The following SEZ6L2 variants were observed in gnomAD, a reference collection of about 807,000 sequenced individuals.
The protein encoded by SEZ6L2 is seizure 6-like protein 2.
In SEZ6L2, 44 loss-of-function variants were observed where a neutral mutation model predicts 97.0. The observed-to-expected ratio is 0.45, with a 90% CI of 0.36 to 0.58. The LOEUF (loss-of-function observed/expected upper bound fraction) is 0.58, where lower values mean the gene tolerates loss of function less well. Ranked by LOEUF, SEZ6L2 falls within the 20% of genes least tolerant of loss-of-function variation. The pLI is 0.00. For missense variants in SEZ6L2, 1,086 were observed against 1,233.3 expected (o/e 0.88, Z 1.79); for synonymous variants, 543 against 546.1 (o/e 0.99, Z 0.08).
At position 29,876,816 on chromosome 16, in the gene SEZ6L2, C is replaced by T. The variant is rs1164257897; in HGVS notation, c.2044G>A (p.Asp682Asn). 6.2e-7 allele frequency: 1 copy of T among 1,603,620 alleles called. No homozygotes were observed. The highest frequency in any genetic ancestry group is 8.5e-7 in the Non-Finnish European group (1 of 1,175,322). Residue 682 changes from aspartate to asparagine, a missense_variant, in exon 12 of 18, where the codon GAC becomes AAC. By Grantham distance (23) the Asp-to-Asn change is conservative. This residue lies in a region of SEZ6L2 where 310 missense variants were observed against 438.6 expected (regional missense o/e 0.71). Transcript: ENST00000617533. The surrounding 1 kb of genome is among the most constrained non-coding windows in gnomAD (Gnocchi z 6.5). ...CEPGYELLGSDILTCQWDLSW... is the reference protein window; with the variant it reads ...CEPGYELLGSNILTCQWDLSW... Reference sequence around the variant, plus strand: ...AGGTCCCACTGGCAAGTGAGAATGTCGGAGCCTAGCAGCTCGTAGCCAGGC... The same window carrying T: ...AGGTCCCACTGGCAAGTGAGAATGTTGGAGCCTAGCAGCTCGTAGCCAGGC...
chr16:29,878,163 C>T, intron 10 of SEZ6L2, 124 bp downstream of exon 10: 1 of 1,225,382 alleles, frequency 8.2e-7, no homozygotes, highest in South Asian at 1.8e-5. Flanking sequence ...GTGCACCAGC[C>T]TATCCACCGA....
intron 12 of SEZ6L2, among the ~76,000 whole-genome samples, chr16:29,874,547 CTT>C (rs1229722584): frequency 4.1e-5 from 1 of 24,540 alleles, no homozygotes; most frequent in East Asian, 9.2e-4. Context: ...TGTGTGTGTG[CTT>C]GTTTTTTTTT....
At chr16:29,879,610 C>G (rs1057393927) in intron 9 of SEZ6L2, among the ~76,000 whole-genome samples, 14 of 152,324 alleles carry the variant, frequency 9.2e-5, no homozygotes, top group African/African-American at 3.4e-4. Flanking sequence ...CACTCTCCAG[C>G]CTGCCCAATC....
chr16:29,895,811 T>G lies in SEZ6L2; in HGVS notation c.561A>C (p.Pro187=), dbSNP rs756800647. 6 of 1,614,108 alleles carry G rather than the reference T, an allele frequency of 3.7e-6. No homozygotes were observed. The highest frequency in any genetic ancestry group is 1.7e-5 in the Admixed American group (1 of 60,010). Residue 187 remains proline (P), a synonymous_variant, in exon 4 of 18, where the codon CCA becomes CCC. Coordinates refer to ENST00000617533, the MANE Select transcript of SEZ6L2 (RefSeq NM_001243332.2). ...TGCGGCTGACGGGGCTCCCCAGATC[T>G]GGAGACTCCACATACCCTTCGCCCT... ...ISEGEGYVES[P]DLGSPVSRTL... is the part of the protein sequence containing the mutation.
At chr16:29,895,498 G>T (rs765511974) in intron 4 of SEZ6L2, 38 bp from the exon 5 acceptor site, 1 of 1,603,534 alleles carries the variant, frequency 6.2e-7, no homozygotes, top group Non-Finnish European at 8.5e-7. Flanking sequence ...GGGCAAGTCA[G>T]CCAGGTGTTT....
intron 5 of SEZ6L2, 44 bp downstream of exon 5, chr16:29,895,215 C>T (rs758690780): frequency 2.4e-6 from 3 of 1,254,166 alleles, no homozygotes; most frequent in South Asian, 2.4e-5. Flanking sequence ...CCAGTGTATG[C>T]AGTATGGCCC....
intron 4 of SEZ6L2, 120 bp from the exon 5 acceptor site, chr16:29,895,580 A>G: frequency 7.1e-7 from 1 of 1,413,438 alleles, no homozygotes; most frequent in Non-Finnish European, 9.6e-7. Flanking sequence ...CTGCTGCCCA[A>G]GTTGTAGAAA....
At chr16:29,872,049 G>A in intron 17 of SEZ6L2, 138 bp downstream of exon 17, 1 of 699,766 alleles carries the variant, frequency 1.4e-6, no homozygotes, top group South Asian at 1.9e-5. Flanking sequence ...CACATGGCTT[G>A]CTATGCTCAT....
rs1800409635 is a variant in SEZ6L2, at chr16:29,876,679, G to T, written c.2104+77C>A. On this transcript the variant is annotated intron_variant, in intron 12 of 17. Transcript: ENST00000617533. The surrounding 1 kb of genome is among the most constrained non-coding windows in gnomAD (Gnocchi z 6.5). ...GGGATGGAACCCAGAAAGCACGGGG[G>T]TCGGGACAGGACAGGCCGACGACGG... 2.2e-6 allele frequency: 3 copies of T among 1,341,112 alleles called. No homozygotes were observed. The highest frequency in any genetic ancestry group is 1.0e-6 in the Non-Finnish European group (1 of 1,001,680). 83.1% of individuals were successfully genotyped at this position (1,341,112 alleles called of 1,614,324 possible).
intron 8 of SEZ6L2, 135 bp from the exon 9 acceptor site, chr16:29,880,199 G>A (rs1377666206): frequency 5.1e-6 from 4 of 786,784 alleles, no homozygotes; most frequent in Non-Finnish European, 7.8e-6. Context: ...GTCTTGTGCT[G>A]TCGCCCAGGC....
chr16:29,881,677 G>C (rs2068033738), intron 8 of SEZ6L2, among the ~76,000 whole-genome samples: 1 of 139,306 alleles, frequency 7.2e-6, no homozygotes, highest in Admixed American at 7.6e-5. Flanking sequence ...GCCCAGGCTG[G>C]AGTGCAATGG....
rs560352112 is a variant in SEZ6L2, at chr16:29,879,736, G to A, written c.1573+128C>T. The A allele has an allele frequency of 1.0e-4, 83 of 833,730 alleles. 1 individual carries two copies. The African/African-American group carries it at 1.2e-3, about 12-fold the overall frequency. The allele number at this position is 833,730 out of a possible 1,614,324, so 51.6% of individuals were successfully genotyped here. ...AAGAAAACAGCCTCTGAAGGGACAGGGATTTACCCAAGGCTTGGGTGGATG... is the reference window on the plus strand; with the variant it reads ...AAGAAAACAGCCTCTGAAGGGACAGAGATTTACCCAAGGCTTGGGTGGATG... On this transcript the variant is annotated intron_variant, in intron 9 of 17. Coordinates refer to ENST00000617533, the MANE Select transcript of SEZ6L2 (RefSeq NM_001243332.2).
chr16:29,895,965 TC>T, intron 3 of SEZ6L2, 105 bp from the exon 4 acceptor site: 1 of 1,251,104 alleles, frequency 8.0e-7, no homozygotes, highest in Non-Finnish European at 1.1e-6. Flanking sequence ...CTTCTCATCA[TC>T]TTTTTGTTTT....
chr16:29,872,085 G>T, intron 17 of SEZ6L2, 102 bp downstream of exon 17: 2 of 990,068 alleles, frequency 2.0e-6, no homozygotes, highest in Non-Finnish European at 3.0e-6. Context: ...GGGCAGCTGA[G>T]TTTGAAATTC....
chr16:29,898,325 C>G (rs924208463), intron 1 of SEZ6L2, among the ~76,000 whole-genome samples: 3 of 152,198 alleles, frequency 2.0e-5, no homozygotes, highest in Admixed American at 6.5e-5. Context: ...CCCCCCAACC[C>G]TGGGGCTCTG....
chr16:29,883,309 C>A (rs775317734), intron 8 of SEZ6L2, among the ~76,000 whole-genome samples: 9 of 151,610 alleles, frequency 5.9e-5, no homozygotes, highest in Non-Finnish European at 1.3e-4. Context: ...CTTTTCTTTT[C>A]TTTTCTTCTT....
In SEZ6L2 at chr16:29,877,838, C is replaced by T. The variant is rs554983546; in HGVS notation, c.1713-371G>A. Among the ~76,000 whole-genome samples, 32 of 152,358 alleles carry T rather than the reference C, an allele frequency of 2.1e-4. No individual in the cohort carries two copies. The South Asian group carries it at 6.6e-3, about 32-fold the overall frequency. On this transcript the variant is annotated intron_variant, in intron 10 of 17. Coordinates refer to ENST00000617533, the MANE Select transcript of SEZ6L2 (RefSeq NM_001243332.2). ...CGCCCTACACAACTCTAGGCCCCGC[C>T]TGAGTACCTGCTTTGAAGCCACGCC...
Position 29,873,309 on chromosome 16 carries a change from C to T in SEZ6L2, c.2419G>A (p.Gly807Ser), listed in dbSNP as rs147726524. Residue 807 changes from glycine (G) to serine (S), a missense_variant, in exon 14 of 18, where the codon GGC becomes AGC. By Grantham distance (56) the Gly-to-Ser change is moderately conservative. Coordinates refer to ENST00000617533, the MANE Select transcript of SEZ6L2 (RefSeq NM_001243332.2). This position sits in a 1 kb window ranked among gnomAD's most constrained non-coding sequence, Gnocchi z 4.3. The part of the protein sequence containing the change: ...FFCYEGFELI[G>S]EVTITCVPGH... ...GGCACACAGGTGATGGTGACCTCGCCGATAAGCTCAAAGCCCTCATAGCAG... is the reference window on the plus strand; with the variant it reads ...GGCACACAGGTGATGGTGACCTCGCTGATAAGCTCAAAGCCCTCATAGCAG... 12 of 1,614,078 alleles carry T rather than the reference C, an allele frequency of 7.4e-6. No individual in the cohort carries two copies. The African/African-American group carries it at 1.2e-4, about 16-fold the overall frequency.
At chr16:29,884,992 G>A (rs1249226046) in intron 8 of SEZ6L2, among the ~76,000 whole-genome samples, 1 of 152,006 alleles carries the variant, frequency 6.6e-6, no homozygotes, top group Admixed American at 6.6e-5. Context: ...CGGATCACAA[G>A]GTCAGGAGAT....
Sources: gnomAD v4.1 joint callset for allele counts (sites outside exome capture counted in the v4.1 genomes callset) on GRCh38, gnomAD v4.1.1 for gene constraint, gnomAD v4.1.1 regional missense constraint, Gnocchi (gnomAD v3.1) non-coding constraint, MANE v1.5 for transcripts, NCBI Gene and HGNC (gene_info 2026-07-23, HGNC 2026-07-21) for gene names.